The following ROR2 variants were observed in gnomAD, a reference collection of about 807,000 sequenced individuals.
The protein encoded by ROR2 is tyrosine-protein kinase transmembrane receptor ROR2.
In ROR2, 33 loss-of-function variants were observed where a neutral mutation model predicts 74.9. That is an observed-to-expected ratio of 0.44 (90% confidence interval 0.33 to 0.59). ROR2 has a LOEUF of 0.59. Ranked by LOEUF, ROR2 falls within the 20% of genes least tolerant of loss-of-function variation. The pLI is 0.02. For synonymous variants in ROR2, 586 were observed against 558.7 expected, an observed-to-expected ratio of 1.05 and a Z score of -0.69; for missense variants, 1,216 against 1,313.8, an observed-to-expected ratio of 0.93 and a Z score of 1.15.
chr9:91,829,270 C>CGGTG (rs907607848), intron 1 of ROR2, among the ~76,000 whole-genome samples: 5 of 152,082 alleles, frequency 3.3e-5, no homozygotes, highest in Non-Finnish European at 7.3e-5. Context: ...TGGCTGGGCA[C>CGGTG]GGTGGCTCAC....
In ROR2 at chr9:91,731,137, C is replaced by G; in HGVS notation, c.956G>C (p.Gly319Ala). 6.2e-7 allele frequency: 1 copy of G among 1,614,066 alleles called. No homozygotes were observed. The highest frequency in any genetic ancestry group is 8.5e-7 in the Non-Finnish European group (1 of 1,180,022). Residue 319 changes from glycine (G) to alanine (A), a missense_variant, in exon 7 of 9, where the codon GGC becomes GCC. Physicochemically the swap from Gly to Ala is moderately conservative, Grantham distance 60 (BLOSUM62 0). Transcript: ENST00000375708. ...CGTTCCTCTGTAATCCATGCCTGAG[C>G]CGTTATAGCACTGATGGTCTGAACA... ...RLGRYHQCYN[G>A]SGMDYRGTAS...
intron 1 of ROR2, among the ~76,000 whole-genome samples, chr9:91,875,459 C>T (rs1829930022): frequency 6.6e-6 from 1 of 152,168 alleles, no homozygotes; most frequent in African/African-American, 2.4e-5. Context: ...AGGTCTATTG[C>T]AGTACTTCTC....
rs776233029 is a variant in ROR2 at position 91,724,221 on chromosome 9, G to A, written c.2273C>T (p.Ser758Leu). 17 of 1,613,314 alleles carry A rather than the reference G, an allele frequency of 1.1e-5. No individual in the cohort carries two copies. The highest frequency in any genetic ancestry group is 1.7e-5 in the Admixed American group (1 of 60,000). Residue 758 changes from serine (S) to leucine (L), a missense_variant, in exon 9 of 9, where the codon TCG (serine) becomes TTG (leucine). Transcript: ENST00000375708. Reference protein sequence around the residue: ...AWGNLSNYNSSAQTSGASNTT... With the variant: ...AWGNLSNYNSLAQTSGASNTT... Reference sequence around the variant, plus strand: ...GTTGCTGGCCCCCGAGGTCTGCGCCGAGCTGTTGTAGTTGGAAAGGTTGCC... The same window carrying A: ...GTTGCTGGCCCCCGAGGTCTGCGCCAAGCTGTTGTAGTTGGAAAGGTTGCC...
chr9:91,785,460 T>A (rs1826766145), intron 1 of ROR2, among the ~76,000 whole-genome samples: 1 of 152,244 alleles, frequency 6.6e-6, no homozygotes, highest in South Asian at 2.1e-4. Context: ...TGCATCAGAA[T>A]GAAACTCCAG....
At chr9:91,901,046 T>G (rs1410810680) in intron 1 of ROR2, among the ~76,000 whole-genome samples, 2 of 152,124 alleles carry the variant, frequency 1.3e-5, no homozygotes, top group African/African-American at 2.4e-5. Flanking sequence ...CCAGACTGAA[T>G]CCAGAGCCAG....
chr9:91,835,949 C>T (rs1828600032), intron 1 of ROR2, among the ~76,000 whole-genome samples: 1 of 152,226 alleles, frequency 6.6e-6, no homozygotes, highest in African/African-American at 2.4e-5. Flanking sequence ...TCGTCACTTC[C>T]CTACCTTTCT....
chr9:91,757,783 G>A (rs1443869481), intron 2 of ROR2, among the ~76,000 whole-genome samples: 1 of 152,126 alleles, frequency 6.6e-6, no homozygotes, highest in Non-Finnish European at 1.5e-5. Flanking sequence ...TCAAATTCCT[G>A]TGAGCCTCTC....
intron 1 of ROR2, among the ~76,000 whole-genome samples, chr9:91,930,853 T>A (rs79005820): frequency 6.6e-6 from 1 of 152,216 alleles, no homozygotes; most frequent in Non-Finnish European, 1.5e-5. Context: ...ATTTGCAGAC[T>A]GAAGACCTAA....
At chr9:91,739,964 A>G (rs1159144244) in intron 4 of ROR2, among the ~76,000 whole-genome samples, 1 of 152,198 alleles carries the variant, frequency 6.6e-6, no homozygotes, top group Admixed American at 6.5e-5. Flanking sequence ...AAAAATCATT[A>G]AGACATGCCT....
chr9:91,763,324 A>G (rs140606517), intron 2 of ROR2, among the ~76,000 whole-genome samples: 3,735 of 152,318 alleles, frequency 0.025, 49 homozygotes, highest in Non-Finnish European at 0.038. Context: ...CGAACCTAAA[A>G]TGAAAGTTGG....
intron 1 of ROR2, among the ~76,000 whole-genome samples, chr9:91,788,975 G>A (rs1826886693): frequency 6.6e-6 from 1 of 152,184 alleles, no homozygotes; most frequent in Non-Finnish European, 1.5e-5. Context: ...TAAAGGGTGG[G>A]TAGGGGAAGG....
chr9:91,737,242 A>G, intron 5 of ROR2, 149 bp downstream of exon 5: 1 of 1,073,114 alleles, frequency 9.3e-7, no homozygotes, highest in Non-Finnish European at 1.4e-6. Context: ...CACTACTTCT[A>G]AAAAAGATCT....
chr9:91,763,859 T>C (rs1825985222), intron 2 of ROR2, among the ~76,000 whole-genome samples: 1 of 152,200 alleles, frequency 6.6e-6, no homozygotes, highest in Admixed American at 6.5e-5. Context: ...TCACAGAACA[T>C]GGTCTGTGTG....
chr9:91,808,230 C>T (rs1348156468), intron 1 of ROR2, among the ~76,000 whole-genome samples: 1 of 152,042 alleles, frequency 6.6e-6, no homozygotes, highest in East Asian at 1.9e-4. Flanking sequence ...AGAGTTTTTG[C>T]CCATTTTAAA....
chr9:91,811,792 C>T (rs76427104), intron 1 of ROR2, among the ~76,000 whole-genome samples: 5,888 of 152,332 alleles, frequency 0.039, 175 homozygotes, highest in Non-Finnish European at 0.054. Flanking sequence ...CAAGCCTCCT[C>T]TTCTAGGGTT....
intron 4 of ROR2, among the ~76,000 whole-genome samples, chr9:91,755,547 A>G (rs547392513): frequency 2.0e-5 from 3 of 152,368 alleles, no homozygotes; most frequent in African/African-American, 4.8e-5. Flanking sequence ...GGGAAACCAG[A>G]GGCCTGAGTT....
At chr9:91,938,014 A>C (rs1831748765) in intron 1 of ROR2, among the ~76,000 whole-genome samples, 1 of 152,192 alleles carries the variant, frequency 6.6e-6, no homozygotes, top group Admixed American at 6.5e-5. Context: ...CATCGTGCCC[A>C]GCCTGAATTC....
intron 1 of ROR2, among the ~76,000 whole-genome samples, chr9:91,811,087 G>A (rs1275792061): frequency 1.3e-5 from 2 of 152,254 alleles, no homozygotes; most frequent in African/African-American, 4.8e-5. Context: ...AGGAGGAAAA[G>A]GGACACTGGC....
At chr9:91,819,670 G>GTGTCTGTGTCTTTCAA (rs1828075229) in intron 1 of ROR2, among the ~76,000 whole-genome samples, 1 of 150,916 alleles carries the variant, frequency 6.6e-6, no homozygotes, top group African/African-American at 2.4e-5. Flanking sequence ...GTGTCTTTCA[G>GTGTCTGTGTCTTTCAA]TGTCTGTGTA....
Sources: allele counts gnomAD v4.1 joint callset (sites outside exome capture counted in the v4.1 genomes callset), GRCh38; gene constraint gnomAD v4.1.1; transcripts MANE v1.5; gene names NCBI Gene and HGNC (gene_info 2026-07-23, HGNC 2026-07-21).